The following P2RY14 variants were observed in gnomAD, a reference collection of about 807,000 sequenced individuals.
P2RY14 encodes the protein P2Y purinoceptor 14.
P2RY14 carries 2 observed loss-of-function variants against 0.9 expected under a neutral mutation model. The ratio of observed to expected loss-of-function variants is 2.16; its 90% CI spans 0.88 to 6.79. The LOEUF (loss-of-function observed/expected upper bound fraction) is 6.79, where lower values mean the gene tolerates loss of function less well. Among genes scored for constraint, P2RY14 ranks in the 30% most tolerant of loss-of-function variants. P2RY14 has a pLI of 0.05. For synonymous variants in P2RY14, 158 were observed against 147.2 expected (o/e 1.07, Z -0.53); for missense variants, 378 against 400.1 (o/e 0.94, Z 0.47).
intron 1 of P2RY14, among the ~76,000 whole-genome samples, chr3:151,251,466 A>G (rs370451534): frequency 2.0e-5 from 3 of 152,012 alleles, no homozygotes; most frequent in South Asian, 2.1e-4. Flanking sequence ...CCTGCCTTCA[A>G]TCTGCCTCCC....
chr3:151,222,004 C>T lies in P2RY14; in HGVS notation c.-132-2362G>A, dbSNP rs560175118. Among the ~76,000 whole-genome samples the T allele has an allele frequency of 3.9e-5, 6 of 152,346 alleles. No individual in the cohort carries two copies. The South Asian group carries it at 1.2e-3, about 32-fold the overall frequency. On this transcript the variant is annotated intron_variant, in intron 1 of 2. Coordinates refer to ENST00000309170, the MANE Select transcript of P2RY14 (RefSeq NM_014879.4). ...GGAGCTGCCCAAGACCATGGGAACC[C>T]ACCTCTTGCATTGCGTGACCTGGGT...
At chr3:151,249,990 T>C (rs1006399470) in intron 1 of P2RY14, among the ~76,000 whole-genome samples, 5 of 152,168 alleles carry the variant, frequency 3.3e-5, no homozygotes, top group Non-Finnish European at 7.3e-5. Context: ...ATGCCTGTTA[T>C]CATTATCAAA....
intron 1 of P2RY14, among the ~76,000 whole-genome samples, chr3:151,277,323 G>A (rs534634572): frequency 5.3e-5 from 8 of 151,804 alleles, no homozygotes; most frequent in East Asian, 3.9e-4. Context: ...AAATTTTACC[G>A]AAATATAAAA....
intron 1 of P2RY14, among the ~76,000 whole-genome samples, chr3:151,250,777 T>A (rs766908314): frequency 1.3e-5 from 2 of 152,208 alleles, no homozygotes; most frequent in Admixed American, 1.3e-4. Context: ...CTTTTGGTTA[T>A]GTGCCCAGAA....
intron 1 of P2RY14, among the ~76,000 whole-genome samples, chr3:151,226,886 A>G (rs944220370): frequency 1.1e-4 from 16 of 152,232 alleles, no homozygotes; most frequent in African/African-American, 3.6e-4. Context: ...TGGTGATTAC[A>G]ACAGGTAACG....
At chr3:151,224,006 T>C (rs891580530) in intron 1 of P2RY14, among the ~76,000 whole-genome samples, 1 of 152,230 alleles carries the variant, frequency 6.6e-6, no homozygotes, top group Non-Finnish European at 1.5e-5. Context: ...TCTTAAATTC[T>C]GAATCAAATA....
intron 1 of P2RY14, chr3:151,241,879 C>G (rs1734176813): frequency 6.5e-6 from 1 of 153,164 alleles, no homozygotes; most frequent in Admixed American, 6.5e-5. Flanking sequence ...GTACCGGGTT[C>G]ATCTCACTAG....
chr3:151,247,243 C>T (rs1735753712), intron 1 of P2RY14, among the ~76,000 whole-genome samples: 1 of 151,832 alleles, frequency 6.6e-6, no homozygotes, highest in African/African-American at 2.4e-5. Flanking sequence ...TACCATTTGA[C>T]CCAGCCATCC....
chr3:151,251,221 T>G (rs899540080), intron 1 of P2RY14, among the ~76,000 whole-genome samples: 1 of 152,206 alleles, frequency 6.6e-6, no homozygotes, highest in Admixed American at 6.5e-5. Flanking sequence ...CTCTGTACAC[T>G]GTTGTTCCTT....
At chr3:151,228,385 C>T (rs1188937962) in intron 1 of P2RY14, among the ~76,000 whole-genome samples, 1 of 152,176 alleles carries the variant, frequency 6.6e-6, no homozygotes, top group Non-Finnish European at 1.5e-5. Context: ...GGCTGTGACT[C>T]AGTGGGAACA....
chr3:151,258,955 G>A (rs1738354490), intron 1 of P2RY14, among the ~76,000 whole-genome samples: 2 of 152,128 alleles, frequency 1.3e-5, no homozygotes, highest in African/African-American at 4.8e-5. Flanking sequence ...GCCTCTGCAG[G>A]CTTCGCCTTT....
At chr3:151,250,496 A>G (rs1736635516) in intron 1 of P2RY14, among the ~76,000 whole-genome samples, 1 of 152,154 alleles carries the variant, frequency 6.6e-6, no homozygotes, top group African/African-American at 2.4e-5. Context: ...TGAATACTCT[A>G]GCTATCTCAT....
intron 1 of P2RY14, among the ~76,000 whole-genome samples, chr3:151,225,059 C>T (rs1730219024): frequency 6.6e-6 from 1 of 152,114 alleles, no homozygotes; most frequent in Non-Finnish European, 1.5e-5. Context: ...TTTTCTTACC[C>T]AAGCAGAGCT....
At chr3:151,243,113 G>A (rs1343990711) in intron 1 of P2RY14, among the ~76,000 whole-genome samples, 1 of 151,926 alleles carries the variant, frequency 6.6e-6, no homozygotes, top group South Asian at 2.1e-4. Flanking sequence ...ATATGGGGCT[G>A]TGTGAAAAGA....
chr3:151,277,248 C>T (rs1208496825), intron 1 of P2RY14, among the ~76,000 whole-genome samples: 1 of 151,664 alleles, frequency 6.6e-6, no homozygotes, highest in African/African-American at 2.4e-5. Flanking sequence ...AGAGTTCATT[C>T]ATATATACCA....
chr3:151,213,434 A>T lies in P2RY14; in HGVS notation c.883T>A (p.Tyr295Asn). The T allele has an allele frequency of 6.2e-7, 1 of 1,614,206 alleles. No homozygotes were observed. Among genetic ancestry groups the T allele is most frequent in the Non-Finnish European group, 8.5e-7 (1 of 1,180,020 alleles). Residue 295 changes from tyrosine to asparagine, a missense_variant, in exon 3 of 3, where the codon TAT becomes AAT. Coordinates refer to ENST00000309170, the MANE Select transcript of P2RY14 (RefSeq NM_014879.4). Reference protein sequence around the residue: ...AANVCLDPIIYFFLCQPFREI... With the variant: ...AANVCLDPIINFFLCQPFREI... ...CTAAACGGCTGGCATAGAAAGAAAT[A>T]AATAATAGGGTCCAAGCATACATTT...
At chr3:151,226,492 C>G (rs6809388) in intron 1 of P2RY14, among the ~76,000 whole-genome samples, 33,274 of 152,088 alleles carry the variant, frequency 0.22, 3,934 homozygotes, top group African/African-American at 0.32. Flanking sequence ...CTGATTGATT[C>G]CAAGCCAGGG....
rs369808121 is a variant in P2RY14 at position 151,255,145 on chromosome 3, T to C, written c.-133+23142A>G. Among the ~76,000 whole-genome samples, 14 of 152,262 alleles carry C rather than the reference T, an allele frequency of 9.2e-5. No homozygotes were observed. The East Asian group carries it at 1.9e-3, about 21-fold the overall frequency. On this transcript the variant is annotated intron_variant, in intron 1 of 2. Coordinates refer to ENST00000309170, the MANE Select transcript of P2RY14 (RefSeq NM_014879.4). ...AATAGGCAGGCTGAAGATTGACTTA[T>C]GGAATTGATGAAGCTGTTGGGAGAC...
intron 1 of P2RY14, among the ~76,000 whole-genome samples, chr3:151,224,261 A>G (rs1025750995): frequency 4.0e-5 from 6 of 151,826 alleles, no homozygotes; most frequent in African/African-American, 1.5e-4. Flanking sequence ...CCTTCCTTTC[A>G]GTCCAGACAT....
Sources: gnomAD v4.1 joint callset for allele counts (sites outside exome capture counted in the v4.1 genomes callset) on GRCh38, gnomAD v4.1.1 for gene constraint, MANE v1.5 for transcripts, NCBI Gene and HGNC (gene_info 2026-07-23, HGNC 2026-07-21) for gene names.